NUP214: variants seen among roughly 807,000 people sequenced by gnomAD.
NUP214 encodes nuclear pore complex protein Nup214.
In NUP214, 79 loss-of-function variants were observed where a neutral mutation model predicts 196.2. That is an observed-to-expected ratio of 0.40 (90% CI 0.34 to 0.49). The LOEUF is 0.49. Among genes scored for constraint, NUP214 ranks in the 20% least tolerant of loss-of-function variants. NUP214 has a pLI of 0.58. For missense variants in NUP214, 2,468 were observed against 2,539.0 expected (o/e 0.97, Z 0.60); for synonymous variants, 1,020 against 990.5 (o/e 1.03, Z -0.56).
At chr9:131,159,577 G>C in intron 18 of NUP214, 91 bp downstream of exon 18, 3 of 1,132,978 alleles carry the variant, frequency 2.6e-6, no homozygotes, top group Non-Finnish European at 3.9e-6. Flanking sequence ...AAAATCCCAG[G>C]CCGGGTGCGG....
intron 5 of NUP214, among the ~76,000 whole-genome samples, chr9:131,132,390 A>G (rs1056247585): frequency 6.6e-6 from 1 of 152,122 alleles, no homozygotes; most frequent in Non-Finnish European, 1.5e-5. Flanking sequence ...TTGAGATTAC[A>G]GGCATGAGTC....
At chr9:131,154,648 G>T (rs978348534) in intron 17 of NUP214, among the ~76,000 whole-genome samples, 7 of 152,170 alleles carry the variant, frequency 4.6e-5, no homozygotes, top group Admixed American at 2.6e-4. Flanking sequence ...CGCCTGTTCC[G>T]TTGTATCATT....
intron 33 of NUP214, 136 bp downstream of exon 33, chr9:131,228,467 A>G: frequency 1.3e-6 from 1 of 778,160 alleles, no homozygotes; most frequent in Non-Finnish European, 1.9e-6. Context: ...AACTCCCTCA[A>G]GGATTCCTGT....
rs1831458697 is a variant in NUP214 at position 131,129,391 on chromosome 9, T to C, written c.506T>C (p.Leu169Pro). 1.9e-6 allele frequency: 3 copies of C among 1,614,128 alleles called. No individual in the cohort carries two copies. Among genetic ancestry groups the C allele is most frequent in the Non-Finnish European group, 2.5e-6 (3 of 1,180,046 alleles). The change falls in exon 4 of 36, where the codon CTG becomes CCG. Residue 169 changes from leucine to proline, a missense_variant. Leu to Pro is a moderately conservative substitution (Grantham distance 98, BLOSUM62 -3). Transcript: ENST00000359428. ...PTVPSMVAVC[L>P]ADGSIAVLQV... Reference sequence around the variant, plus strand: ...GTCCCCTCCATGGTGGCAGTTTGTCTGGCTGATGGTAGTATTGCTGTCCTG... The same window carrying C: ...GTCCCCTCCATGGTGGCAGTTTGTCCGGCTGATGGTAGTATTGCTGTCCTG...
At position 131,218,588 on chromosome 9, in the gene NUP214, C is replaced by T. The variant is rs540887744; in HGVS notation, c.5749+3220C>T. 1.6e-4 allele frequency among the ~76,000 whole-genome samples: 25 copies of T among 152,230 alleles called. 1 individual carries two copies. Among genetic ancestry groups the T allele is most frequent in the African/African-American group, 5.3e-4 (22 of 41,530 alleles). ...TCCCCTCACCAACCCCCGCACTCCC[C>T]GCCCCATTTTGCTATGGGGCATTCC... On this transcript the variant is annotated intron_variant, in intron 31 of 35. Transcript: ENST00000359428.
intron 32 of NUP214, among the ~76,000 whole-genome samples, chr9:131,223,879 C>T (rs951037711): frequency 2.4e-4 from 36 of 150,292 alleles, no homozygotes; most frequent in Admixed American, 5.3e-4. Flanking sequence ...GGACTACAGG[C>T]GCCCGCCACC....
chr9:131,169,025 TTTTTTTTTG>T (rs1046121941), intron 21 of NUP214, among the ~76,000 whole-genome samples: 4 of 46,096 alleles, frequency 8.7e-5, no homozygotes, highest in African/African-American at 2.0e-4. Flanking sequence ...GCTTACTTTG[TTTTTTTTTG>T]TTTTTTTTTT....
rs141678379 is a variant in NUP214 at position 131,131,128 on chromosome 9, G to A, written c.663+292G>A. On this transcript the variant is annotated intron_variant, in intron 5 of 35. Transcript: ENST00000359428. ...GTTTTTATGTAAAATGTGATCATAC[G>A]CTATGCGCTGTTCCCCACCTTTTTC... Among the ~76,000 whole-genome samples, 8 of 152,230 alleles carry A rather than the reference G, an allele frequency of 5.3e-5. No individual in the cohort carries two copies. In the East Asian group the frequency reaches 5.8e-4, roughly 11 times the overall value.
At chr9:131,145,620 A>G (rs1173250316) in intron 12 of NUP214, among the ~76,000 whole-genome samples, 1 of 152,186 alleles carries the variant, frequency 6.6e-6, no homozygotes, top group Non-Finnish European at 1.5e-5. Context: ...TAGATTGTCT[A>G]CAGACTTTTG....
chr9:131,182,814 T>G (rs573119363), intron 24 of NUP214, among the ~76,000 whole-genome samples: 27 of 152,354 alleles, frequency 1.8e-4, no homozygotes, highest in Non-Finnish European at 2.2e-4. Context: ...TGCCTTTTTT[T>G]GGGTTAAATG....
At chr9:131,230,923 G>A (rs1834858856) in intron 34 of NUP214, among the ~76,000 whole-genome samples, 154 bp downstream of exon 34, 1 of 152,148 alleles carries the variant, frequency 6.6e-6, no homozygotes, top group Admixed American at 6.5e-5. Flanking sequence ...CACTTTGGGA[G>A]ACCAAGGCAG....
intron 30 of NUP214, among the ~76,000 whole-genome samples, chr9:131,203,757 C>T (rs1407954292): frequency 6.6e-6 from 1 of 152,154 alleles, no homozygotes; most frequent in Non-Finnish European, 1.5e-5. Context: ...CACCAATAAA[C>T]TAACAAGGTA....
rs756533160 is a variant in NUP214 at position 131,198,482 on chromosome 9, A to G, written c.4988A>G (p.Asn1663Ser). 2 of 1,614,184 alleles carry G rather than the reference A, an allele frequency of 1.2e-6. No homozygotes were observed. The highest frequency in any genetic ancestry group is 1.7e-6 in the Non-Finnish European group (2 of 1,180,022). The change falls in exon 29 of 36, where the codon AAC becomes AGC. Residue 1663 changes from asparagine to serine, a missense_variant. Asn to Ser is a conservative substitution (Grantham distance 46). Coordinates refer to ENST00000359428, the MANE Select transcript of NUP214 (RefSeq NM_005085.4). Reference protein sequence around the residue: ...SSSAFNQLTNNTATAPSATPV... With the variant: ...SSSAFNQLTNSTATAPSATPV... ...TCAGCTTTCAACCAGCTCACCAACA[A>G]CACAGCCACTGCCCCCTCTGCCACG...
rs751688025 is a variant in NUP214 at position 131,178,396 on chromosome 9, T to G, written c.3405T>G (p.Pro1135=). The G allele has an allele frequency of 6.2e-7, 1 of 1,611,156 alleles. No homozygotes were observed. Among genetic ancestry groups the G allele is most frequent in the East Asian group, 2.2e-5 (1 of 44,854 alleles). Residue 1135 remains proline, a synonymous_variant, in exon 24 of 36, where the codon CCT becomes CCG. Transcript: ENST00000359428. ...AATTGAAGAATAACCCTGCAACCCC[T>G]TCTACAGCCATGGGGTATGTTCTGA... is the stretch of plus-strand genomic sequence containing the variant. ...VQELKNNPAT[P]STAMGSSVPY...
intron 24 of NUP214, among the ~76,000 whole-genome samples, chr9:131,178,987 GTTGTTTT>G (rs920935667): frequency 3.3e-5 from 5 of 151,622 alleles, no homozygotes; most frequent in African/African-American, 7.3e-5. Flanking sequence ...TGTTGTTGTT[GTTGTTTT>G]TTGTTTTTTG....
At chr9:131,226,106 G>A (rs1834714151) in intron 32 of NUP214, among the ~76,000 whole-genome samples, 1 of 152,144 alleles carries the variant, frequency 6.6e-6, no homozygotes, top group Non-Finnish European at 1.5e-5. Flanking sequence ...GGCTGAAGTT[G>A]GGACAAGTGG....
intron 30 of NUP214, among the ~76,000 whole-genome samples, chr9:131,205,068 T>G (rs1300596616): frequency 1.3e-5 from 2 of 152,076 alleles, no homozygotes; most frequent in African/African-American, 4.8e-5. Context: ...CTGAAATAAT[T>G]TATGTCTAGC....
chr9:131,132,115 C>CTTT lies in NUP214; in HGVS notation c.664-480_664-478dup, dbSNP rs142450352. 2.4e-3 allele frequency among the ~76,000 whole-genome samples: 264 copies of CTTT among 108,124 alleles called. 19 individuals are homozygous for CTTT. Among genetic ancestry groups the CTTT allele is most frequent in the Non-Finnish European group, 3.2e-3 (173 of 54,792 alleles). The allele number at this position is 108,124 out of a possible 152,430, so 70.9% of individuals were successfully genotyped here. A position where few individuals can be genotyped will look rare whatever the true frequency, so the allele number is the denominator to read the frequency against. Reference sequence around the variant, plus strand: ...TGCGTTCATGCGTTTCTTTTCTTTTCTTTCTTTTTTTTTTTTTTTTGGAGA... The same window carrying CTTT: ...TGCGTTCATGCGTTTCTTTTCTTTTCTTTTTTCTTTTTTTTTTTTTTTTGGAGA... On this transcript the variant is annotated intron_variant, in intron 5 of 35. Coordinates refer to ENST00000359428, the MANE Select transcript of NUP214 (RefSeq NM_005085.4).
At chr9:131,203,908 C>T (rs534811703) in intron 30 of NUP214, among the ~76,000 whole-genome samples, 2 of 152,194 alleles carry the variant, frequency 1.3e-5, no homozygotes, top group Admixed American at 6.6e-5. Context: ...AAATCACCAA[C>T]TAAGATATGC....
Sources: allele counts gnomAD v4.1 joint callset (sites outside exome capture counted in the v4.1 genomes callset), GRCh38; gene constraint gnomAD v4.1.1; transcripts MANE v1.5; gene names NCBI Gene and HGNC (gene_info 2026-07-23, HGNC 2026-07-21).